Variants in RFX7 observed in about 807,000 individuals in gnomAD.
The protein encoded by RFX7 is regulatory factor X7, also known as DNA-binding protein RFX7.
RFX7 carries 26 observed loss-of-function variants against 111.8 expected under a neutral mutation model. The ratio of observed to expected loss-of-function variants is 0.23; its 90% confidence interval spans 0.17 to 0.32. The LOEUF (loss-of-function observed/expected upper bound fraction) is 0.32. Among genes scored for constraint, RFX7 ranks in the 10% least tolerant of loss-of-function variants. The probability of loss-of-function intolerance (pLI) is 1.00; values close to 1 mark genes in which losing one functional copy is unlikely to be tolerated. For synonymous variants in RFX7, 624 were observed against 624.4 expected (o/e 1.00, Z 0.01); for missense variants, 1,573 against 1,772.9 (o/e 0.89, Z 2.02).
At chr15:56,157,825 C>A (rs144749432) in intron 3 of RFX7, among the ~76,000 whole-genome samples, 4 of 152,158 alleles carry the variant, frequency 2.6e-5, no homozygotes, top group Non-Finnish European at 4.4e-5. Context: ...ATGATCTGCC[C>A]GCCTCGGCCT....
chr15:56,132,419 G>A (rs1348938917), intron 5 of RFX7, among the ~76,000 whole-genome samples: 1 of 151,850 alleles, frequency 6.6e-6, no homozygotes, highest in African/African-American at 2.4e-5. Flanking sequence ...CTTTAGTAAG[G>A]TAACAGTACA....
intron 2 of RFX7, among the ~76,000 whole-genome samples, chr15:56,214,368 G>C (rs1239592526): frequency 6.6e-6 from 1 of 152,190 alleles, no homozygotes; most frequent in Admixed American, 6.5e-5. Context: ...CATGGAACAT[G>C]TCTCCATTTA....
At position 56,096,496 on chromosome 15, in the gene RFX7, G is replaced by A. The variant is rs1000491217; in HGVS notation, c.1232C>T (p.Thr411Ile). 5.6e-6 allele frequency: 9 copies of A among 1,606,306 alleles called. No homozygotes were observed. Among genetic ancestry groups the A allele is most frequent in the Non-Finnish European group, 7.7e-6 (9 of 1,176,252 alleles). Reference protein sequence around the residue: ...HMQSVKQAPKTPQNVPASPGG... With the variant: ...HMQSVKQAPKIPQNVPASPGG... ...AGGACTGGCTGGAACGTTCTGGGGA[G>A]TCTTTGGTGCCTGTTTCACAGACTG... The change falls in exon 10 of 10, where the codon ACT becomes ATT. Residue 411 changes from threonine (T) to isoleucine (I), a missense_variant. Transcript: ENST00000559447.
chr15:56,156,437 T>C (rs570529403), intron 3 of RFX7, among the ~76,000 whole-genome samples: 1 of 152,198 alleles, frequency 6.6e-6, no homozygotes, highest in African/African-American at 2.4e-5. Flanking sequence ...ATAGAAATAG[T>C]ATTCTATGAA....
intron 2 of RFX7, among the ~76,000 whole-genome samples, chr15:56,207,684 G>C (rs2043268156): frequency 6.6e-6 from 1 of 152,114 alleles, no homozygotes; most frequent in Non-Finnish European, 1.5e-5. Flanking sequence ...CTCTACAAAA[G>C]ACTGTTAAGC....
At chr15:56,230,777 G>C (rs1373140443) in intron 2 of RFX7, among the ~76,000 whole-genome samples, 1 of 152,166 alleles carries the variant, frequency 6.6e-6, no homozygotes, top group African/African-American at 2.4e-5. Context: ...GAGTACTTGA[G>C]CTATGGCTTC....
chr15:56,126,419 A>G (rs183666456), intron 5 of RFX7, among the ~76,000 whole-genome samples: 127 of 152,322 alleles, frequency 8.3e-4, no homozygotes, highest in African/African-American at 2.9e-3. Context: ...AGTGTTTTGC[A>G]AATCCTCATC....
chr15:56,242,164 A>C (rs1162235928), intron 2 of RFX7, among the ~76,000 whole-genome samples: 1 of 152,228 alleles, frequency 6.6e-6, no homozygotes. Context: ...ATACCATATA[A>C]AATTCTTTTT....
intron 5 of RFX7, among the ~76,000 whole-genome samples, chr15:56,141,886 G>C (rs750532848): frequency 6.6e-6 from 1 of 151,664 alleles, no homozygotes; most frequent in Admixed American, 6.6e-5. Context: ...GATCATTTCA[G>C]ATATTTTTAT....
chr15:56,105,070 T>C (rs1219192692), intron 5 of RFX7, among the ~76,000 whole-genome samples: 1 of 152,200 alleles, frequency 6.6e-6, no homozygotes, highest in African/African-American at 2.4e-5. Flanking sequence ...GAGTTCTTTA[T>C]GGTTCAAACC....
intron 3 of RFX7, among the ~76,000 whole-genome samples, chr15:56,153,021 A>C (rs937352660): frequency 2.6e-5 from 4 of 152,218 alleles, no homozygotes; most frequent in Admixed American, 2.0e-4. Flanking sequence ...AAGAAGTCGA[A>C]TCCCTGAATA....
At position 56,185,769 on chromosome 15, in the gene RFX7, C is replaced by A. The variant is rs190615120; in HGVS notation, c.162-6466G>T. ...CTGATGAGAAGTTTGTGGTCAGTCT[C>A]CCTTTCTTTGTGTAATTTATGCTTT... On this transcript the variant is annotated intron_variant, in intron 2 of 9. Transcript: ENST00000559447. Among the ~76,000 whole-genome samples the A allele has an allele frequency of 2.4e-4, 36 of 152,126 alleles. 1 individual carries two copies. The East Asian group carries it at 7.0e-3, about 29-fold the overall frequency.
At position 56,098,092 on chromosome 15, in the gene RFX7, T is replaced by G. The variant is rs1299835195; in HGVS notation, c.1096A>C (p.Ser366Arg). 1 of 1,613,572 alleles carries G rather than the reference T, an allele frequency of 6.2e-7. No homozygotes were observed. The highest frequency in any genetic ancestry group is 8.5e-7 in the Non-Finnish European group (1 of 1,179,686). ...TTTAATTATATTACCGGAATGGGAC[T>G]AGGGACAGCTGCCACAACGATACCA... ...PIGIVVAAVP[S>R]PIPVQRTRQL... The change falls in exon 9 of 10, where the codon AGT (serine) becomes CGT (arginine). Residue 366 changes from serine to arginine, a missense_variant. Ser to Arg is a moderately radical substitution (Grantham distance 110). Transcript: ENST00000559447.
At position 56,098,153 on chromosome 15, in the gene RFX7, A is replaced by G. The variant is rs1335226652; in HGVS notation, c.1035T>C (p.Pro345=). Residue 345 remains proline, a synonymous_variant, in exon 9 of 10, where the codon CCT becomes CCC. Coordinates refer to ENST00000559447, the MANE Select transcript of RFX7 (RefSeq NM_022841.7). ...GAGAAAGGATTGAAGGATTTCCATTAGGAAGATTAGTCACTCCATTGCTTG... is the reference window on the plus strand; with the variant it reads ...GAGAAAGGATTGAAGGATTTCCATTGGGAAGATTAGTCACTCCATTGCTTG... The part of the protein sequence containing the change: ...SATSNGVTNL[P]NGNPSILSPQ... 4 of 1,613,952 alleles carry G rather than the reference A, an allele frequency of 2.5e-6. No individual in the cohort carries two copies. In the South Asian group the frequency reaches 4.4e-5, roughly 18 times the overall value.
At chr15:56,166,128 C>T (rs1394708711) in intron 3 of RFX7, among the ~76,000 whole-genome samples, 2 of 152,162 alleles carry the variant, frequency 1.3e-5, no homozygotes, top group African/African-American at 4.8e-5. Flanking sequence ...TCTCAAATTC[C>T]TGGGCTCAAG....
At chr15:56,191,588 T>C (rs1416711546) in intron 2 of RFX7, among the ~76,000 whole-genome samples, 2 of 152,164 alleles carry the variant, frequency 1.3e-5, no homozygotes, top group Non-Finnish European at 2.9e-5. Flanking sequence ...TCTTAAACAT[T>C]TTTATTTTAT....
In RFX7 at chr15:56,103,662, C is replaced by A; in HGVS notation, c.410G>T (p.Cys137Phe). 2 of 1,585,268 alleles carry A rather than the reference C, an allele frequency of 1.3e-6. No homozygotes were observed. The highest frequency in any genetic ancestry group is 1.7e-6 in the Non-Finnish European group (2 of 1,163,112). ...QEVYDEYKSY[C>F]DNLGYHPLSA... is the part of the protein sequence containing the mutation. ...TAATGGATGGTAACCAAGATTGTCA[C>A]AATAGCTCCTGCAAAAGAAGGAAGG... The change falls in exon 6 of 10, where the codon TGT (cysteine) becomes TTT (phenylalanine). Residue 137 changes from cysteine (C) to phenylalanine (F), a missense_variant. Physicochemically the swap from Cys to Phe is radical, Grantham distance 205. This residue lies in a region of RFX7 where 191 missense variants were observed against 194.2 expected (regional missense o/e 0.98). Coordinates refer to ENST00000559447, the MANE Select transcript of RFX7 (RefSeq NM_022841.7).
chr15:56,223,409 A>T (rs1404543411), intron 2 of RFX7, among the ~76,000 whole-genome samples: 1 of 152,168 alleles, frequency 6.6e-6, no homozygotes, highest in East Asian at 1.9e-4. Context: ...CAGTTTGGAT[A>T]GCCAGGGTGA....
intron 2 of RFX7, among the ~76,000 whole-genome samples, chr15:56,193,481 TGACA>T (rs1387138678): frequency 6.6e-6 from 1 of 152,228 alleles, no homozygotes; most frequent in African/African-American, 2.4e-5. Context: ...TAATTGATAA[TGACA>T]GGCATTGAAC....
Sources: gnomAD v4.1 joint callset for allele counts (sites outside exome capture counted in the v4.1 genomes callset) on GRCh38, gnomAD v4.1.1 for gene constraint, gnomAD v4.1.1 regional missense constraint, MANE v1.5 for transcripts, NCBI Gene and HGNC (gene_info 2026-07-23, HGNC 2026-07-21) for gene names.